TDRD9: variants seen among roughly 807,000 people sequenced by gnomAD.
The protein encoded by TDRD9 is ATP-dependent RNA helicase TDRD9.
TDRD9 carries 124 observed loss-of-function variants against 172.6 expected under a neutral mutation model. The observed-to-expected ratio is 0.72, with a 90% CI of 0.62 to 0.83. The LOEUF (loss-of-function observed/expected upper bound fraction) is 0.83, where lower values mean the gene tolerates loss of function less well. TDRD9 is among the 40% of genes least tolerant of loss of function. The probability of loss-of-function intolerance (pLI) is 0.00; values close to 1 mark genes in which losing one functional copy is unlikely to be tolerated. For missense variants in TDRD9, 1,479 were observed against 1,714.1 expected (o/e 0.86, Z 2.42); for synonymous variants, 619 against 617.1 (o/e 1.00, Z -0.05).
intron 22 of TDRD9, among the ~76,000 whole-genome samples, chr14:104,017,754 T>G (rs968231476): frequency 3.3e-5 from 5 of 152,244 alleles, no homozygotes; most frequent in African/African-American, 1.2e-4. Flanking sequence ...ACATTCCCAT[T>G]ATTCCTTATG....
At chr14:104,006,883 C>T (rs1443630603) in intron 18 of TDRD9, 38 bp downstream of exon 18, 1 of 1,544,382 alleles carries the variant, frequency 6.5e-7, no homozygotes, top group African/African-American at 1.4e-5. Flanking sequence ...AAGCAGCTAC[C>T]ACAGATTGTT....
intron 23 of TDRD9, 110 bp downstream of exon 23, chr14:104,018,302 G>A: frequency 3.0e-6 from 2 of 657,044 alleles, no homozygotes; most frequent in Non-Finnish European, 5.2e-6. Context: ...GTCCTCCTAT[G>A]GGCTGCTGCA....
chr14:104,013,734 G>A lies in TDRD9; in HGVS notation c.2107-991G>A, dbSNP rs72635195. On this transcript the variant is annotated intron_variant, in intron 20 of 35. Coordinates refer to ENST00000409874, the MANE Select transcript of TDRD9 (RefSeq NM_153046.3). ...GCGTAGGAGTTCTGGGCTGTAGTGCGCCATGCTGATTGGGTGTTGCATTAA... is the reference window on the plus strand; with the variant it reads ...GCGTAGGAGTTCTGGGCTGTAGTGCACCATGCTGATTGGGTGTTGCATTAA... The A allele has an allele frequency of 0.011, 1,668 of 151,408 alleles. 70 individuals carry two copies. The East Asian group carries it at 0.14, about 13-fold the overall frequency. The allele number at this position is 151,408 out of a possible 1,614,324, so 9.4% of individuals were successfully genotyped here.
intron 34 of TDRD9, among the ~76,000 whole-genome samples, chr14:104,046,176 C>T (rs1284393566): frequency 2.6e-5 from 4 of 152,154 alleles, no homozygotes; most frequent in Non-Finnish European, 2.9e-5. Context: ...AGAATGATCT[C>T]GATCTCTTGA....
chr14:103,941,264 A>C, intron 1 of TDRD9: 6 of 859,876 alleles, frequency 7.0e-6, no homozygotes, highest in Non-Finnish European at 9.9e-6. Flanking sequence ...TTTAAATGTA[A>C]TTTAAAACAA....
rs2034469143 is a variant in TDRD9 at position 104,007,214 on chromosome 14, C to T, written c.2052+10C>T. ...GCTGCGGTACCCGAAGGTTGGTGAG[C>T]CCTTTCCTGCTGCTTTCTAGATGGC... On this transcript the variant is annotated intron_variant, in intron 19 of 35. Transcript: ENST00000409874. 6.2e-7 allele frequency: 1 copy of T among 1,613,164 alleles called. No homozygotes were observed. The highest frequency in any genetic ancestry group is 1.3e-5 in the African/African-American group (1 of 74,864).
At chr14:104,024,524 T>A (rs1158828913) in intron 24 of TDRD9, 45 bp from the exon 25 acceptor site, 2 of 1,128,436 alleles carry the variant, frequency 1.8e-6, no homozygotes, top group Non-Finnish European at 2.6e-6. Flanking sequence ...TGTGTTTTCT[T>A]TGTAAAACTT....
intron 23 of TDRD9, 51 bp from the exon 24 acceptor site, chr14:104,022,106 T>G: frequency 6.7e-7 from 1 of 1,482,332 alleles, no homozygotes; most frequent in Non-Finnish European, 9.1e-7. Flanking sequence ...ATATGCAGTT[T>G]TTAAACAGAT....
intron 1 of TDRD9, among the ~76,000 whole-genome samples, chr14:103,946,643 A>G (rs2031573748): frequency 6.6e-6 from 1 of 152,232 alleles, no homozygotes; most frequent in South Asian, 2.1e-4. Flanking sequence ...TTTTATATGT[A>G]GAAACCCCTA....
rs757063537 is a variant in TDRD9 at position 104,004,227 on chromosome 14, C to T, written c.1484-11C>T. 2.0e-6 allele frequency: 3 copies of T among 1,501,220 alleles called. No individual in the cohort carries two copies. The South Asian group carries it at 3.6e-5, about 18-fold the overall frequency. 93.0% of individuals were successfully genotyped at this position (1,501,220 alleles called of 1,614,324 possible). A position where few individuals can be genotyped will look rare whatever the true frequency, so the allele number is the denominator to read the frequency against. ...AATGCCAAACACTGTTTGCACATCT[C>T]TCCTTTGAAGGCCGTGCTGGACGAG... On this transcript the variant is annotated splice_polypyrimidine_tract_variant and intron_variant, in intron 13 of 35. Coordinates refer to ENST00000409874, the MANE Select transcript of TDRD9 (RefSeq NM_153046.3).
intron 26 of TDRD9, 38 bp downstream of exon 26, chr14:104,025,814 A>G: frequency 6.8e-7 from 1 of 1,477,350 alleles, no homozygotes; most frequent in Non-Finnish European, 9.5e-7. Context: ...AAGGGAAATG[A>G]GACAGACAGA....
At chr14:104,013,422 G>A (rs766496983) in intron 20 of TDRD9, among the ~76,000 whole-genome samples, 11 of 152,236 alleles carry the variant, frequency 7.2e-5, no homozygotes, top group East Asian at 3.9e-4. Flanking sequence ...AGGCTGGGAC[G>A]TGTTTCAAGG....
chr14:103,936,778 T>C (rs947867747), intron 1 of TDRD9, among the ~76,000 whole-genome samples: 2 of 152,190 alleles, frequency 1.3e-5, no homozygotes, highest in African/African-American at 4.8e-5. Flanking sequence ...CCTGGCATGA[T>C]GTAGATGCTT....
chr14:103,929,750 C>T (rs879769768), intron 1 of TDRD9, among the ~76,000 whole-genome samples: 2 of 152,216 alleles, frequency 1.3e-5, no homozygotes, highest in Admixed American at 1.3e-4. Context: ...GAACTCCTGA[C>T]CTCAGGTGAT....
intron 20 of TDRD9, 131 bp downstream of exon 20, chr14:104,008,597 C>G (rs1432072930): frequency 1.6e-6 from 1 of 629,070 alleles, no homozygotes; most frequent in South Asian, 2.1e-5. Context: ...CTGCCTGTTT[C>G]CAGCTTTAGT....
chr14:103,944,050 T>A (rs2031420849), intron 1 of TDRD9, among the ~76,000 whole-genome samples: 1 of 152,258 alleles, frequency 6.6e-6, no homozygotes, highest in African/African-American at 2.4e-5. Flanking sequence ...TGCCGCATAC[T>A]CCTTTGAATA....
At chr14:103,989,138 C>G (rs1027878827) in intron 8 of TDRD9, among the ~76,000 whole-genome samples, 1 of 152,042 alleles carries the variant, frequency 6.6e-6, no homozygotes, top group African/African-American at 2.4e-5. Flanking sequence ...GAATCTTGAT[C>G]GACAGTTGTT....
At chr14:104,008,293 G>C in intron 19 of TDRD9, 120 bp from the exon 20 acceptor site, 1 of 642,926 alleles carries the variant, frequency 1.6e-6, no homozygotes, top group African/African-American at 1.9e-5. Context: ...CTGTCAACTT[G>C]AGTAGCTCAG....
At chr14:104,001,840 C>G (rs577607929) in intron 13 of TDRD9, among the ~76,000 whole-genome samples, 1 of 152,200 alleles carries the variant, frequency 6.6e-6, no homozygotes, top group Admixed American at 6.5e-5. Flanking sequence ...ATCTCTTGAC[C>G]TCGTGATCTG....
Sources: gnomAD v4.1 joint callset for allele counts (sites outside exome capture counted in the v4.1 genomes callset) on GRCh38, gnomAD v4.1.1 for gene constraint, MANE v1.5 for transcripts, NCBI Gene and HGNC (gene_info 2026-07-23, HGNC 2026-07-21) for gene names.